Variants in PCDHA2 observed in about 807,000 individuals in gnomAD.
The protein encoded by PCDHA2 is protocadherin alpha-2.
In PCDHA2, 58 loss-of-function variants were observed where a neutral mutation model predicts 66.0. The ratio of observed to expected loss-of-function variants is 0.88; its 90% CI spans 0.71 to 1.09. The LOEUF is 1.09. Ranked by LOEUF, PCDHA2 falls within the 50% of genes least tolerant of loss-of-function variation. PCDHA2 has a pLI of 0.00. For missense variants in PCDHA2, 1,267 were observed against 1,242.3 expected (o/e 1.02, Z -0.30); for synonymous variants, 634 against 554.0 (o/e 1.14, Z -2.03).
At chr5:140,973,984 C>CT (rs2096610197) in intron 1 of PCDHA2, among the ~76,000 whole-genome samples, 1 of 152,186 alleles carries the variant, frequency 6.6e-6, no homozygotes, top group East Asian at 1.9e-4. Flanking sequence ...TTTTACAGAA[C>CT]TTCACCTGGA....
chr5:140,804,938 T>C, intron 1 of PCDHA2: 1 of 1,182,744 alleles, frequency 8.5e-7, no homozygotes, highest in Non-Finnish European at 1.1e-6. Context: ...TATCCTTTGT[T>C]GCTCCCTTGT....
chr5:140,900,342 A>T (rs965236795), intron 1 of PCDHA2, among the ~76,000 whole-genome samples: 3 of 152,034 alleles, frequency 2.0e-5, no homozygotes, highest in South Asian at 2.1e-4. Context: ...CCGTGGCGCA[A>T]TCTTGGCTCA....
chr5:140,843,324 C>G lies in PCDHA2; in HGVS notation c.2388+45972C>G, dbSNP rs1251515111. On this transcript the variant is annotated intron_variant, in intron 1 of 3. Coordinates refer to ENST00000526136, the MANE Select transcript of PCDHA2 (RefSeq NM_018905.3). ...ACCGCCACGGCCACGGTTCTGGTGT[C>G]GCTGGTGGAGAGCGGCCAGGCTCCA... is the stretch of plus-strand genomic sequence containing the variant. 5.6e-6 allele frequency: 9 copies of G among 1,595,896 alleles called. 3 individuals carry two copies. The highest frequency in any genetic ancestry group is 3.4e-5 in the Admixed American group (2 of 59,276).
At chr5:140,878,099 C>T (rs1270449354) in intron 1 of PCDHA2, 2 of 277,184 alleles carry the variant, frequency 7.2e-6, no homozygotes, top group Non-Finnish European at 1.3e-5. Flanking sequence ...GACTGATGAA[C>T]CTTGAAAAAA....
chr5:140,842,822 G>T (rs2150345251), intron 1 of PCDHA2: 1 of 1,593,810 alleles, frequency 6.3e-7, no homozygotes. Context: ...GCGGGTGGGC[G>T]AGCGCTCGCT....
At chr5:140,878,028 G>A in intron 1 of PCDHA2, 1 of 666,892 alleles carries the variant, frequency 1.5e-6, no homozygotes, top group Non-Finnish European at 2.2e-6. Context: ...AAATATGTAG[G>A]TACAATGGAG....
At chr5:140,929,400 A>G (rs915139377) in intron 1 of PCDHA2, 5 of 1,509,110 alleles carry the variant, frequency 3.3e-6, no homozygotes, top group African/African-American at 2.8e-5. Flanking sequence ...TATTTCTTAG[A>G]CAAGCCTTTC....
At chr5:140,908,794 C>T (rs1554193480) in intron 1 of PCDHA2, among the ~76,000 whole-genome samples, 1 of 152,142 alleles carries the variant, frequency 6.6e-6, no homozygotes, top group African/African-American at 2.4e-5. Context: ...TTCTGTACTA[C>T]ATTAAAAAGT....
At chr5:140,966,993 G>A in intron 1 of PCDHA2, 4 of 1,604,524 alleles carry the variant, frequency 2.5e-6, no homozygotes, top group Non-Finnish European at 3.4e-6. Context: ...GGGCCGGGTT[G>A]CTTGCGCATC....
intron 3 of PCDHA2, among the ~76,000 whole-genome samples, chr5:141,008,415 C>T (rs782593921): frequency 2.0e-5 from 3 of 152,138 alleles, no homozygotes; most frequent in Non-Finnish European, 4.4e-5. Flanking sequence ...ATGTCATGGC[C>T]ACTGGGATCA....
intron 1 of PCDHA2, chr5:140,967,680 G>C (rs1554229771): frequency 6.2e-7 from 1 of 1,614,228 alleles, no homozygotes; most frequent in South Asian, 1.1e-5. Context: ...GACCGGGAGA[G>C]GCAGCTCTTC....
intron 1 of PCDHA2, chr5:140,856,390 G>C: frequency 6.3e-7 from 1 of 1,598,554 alleles, no homozygotes; most frequent in South Asian, 1.1e-5. Flanking sequence ...GGCCGCTGCA[G>C]GTTTTCCATG....
Position 140,795,889 on chromosome 5 carries a change from G to A in PCDHA2, c.925G>A (p.Asp309Asn), listed in dbSNP as rs781846968. The A allele has an allele frequency of 2.5e-6, 4 of 1,614,010 alleles. No individual in the cohort carries two copies. The highest frequency in any genetic ancestry group is 4.5e-5 in the East Asian group (2 of 44,890). The stretch of plus-strand genomic sequence containing the variant: ...GGAAATCAGAACTAAGGGAAAATTA[G>A]ATTATGAAGAAGCAAAGTCCTACGA... ...SGEIRTKGKL[D>N]YEEAKSYEIQ... Residue 309 changes from aspartate to asparagine, a missense_variant, in exon 1 of 4, where the codon GAT (aspartate) becomes AAT (asparagine). Physicochemically the swap from Asp to Asn is conservative, Grantham distance 23. Transcript: ENST00000526136.
intron 1 of PCDHA2, chr5:140,967,921 C>T (rs781932025): frequency 6.2e-6 from 10 of 1,614,172 alleles, no homozygotes; most frequent in South Asian, 4.4e-5. Flanking sequence ...CCATTGTGGC[C>T]GTTCTCAGTG....
intron 1 of PCDHA2, among the ~76,000 whole-genome samples, chr5:140,888,192 A>G (rs906159358): frequency 4.6e-5 from 7 of 152,120 alleles, no homozygotes; most frequent in Non-Finnish European, 8.8e-5. Context: ...TGAATTTTAC[A>G]TTGTCGGATG....
chr5:140,991,121 C>G (rs1220661100), intron 3 of PCDHA2, among the ~76,000 whole-genome samples: 1 of 152,184 alleles, frequency 6.6e-6, no homozygotes, highest in Non-Finnish European at 1.5e-5. Context: ...TTCTTACATT[C>G]ACACAGCTAG....
In PCDHA2 at chr5:140,847,161, T is replaced by C. The variant is rs962983160; in HGVS notation, c.2388+49809T>C. The stretch of plus-strand genomic sequence containing the variant: ...GTAAGAAGATCTCTTGATTTCTGAG[T>C]AATAAACTAAAGGGCCATGAGTGAT... On this transcript the variant is annotated intron_variant, in intron 1 of 3. Transcript: ENST00000526136. Among the ~76,000 whole-genome samples, 8 of 149,570 alleles carry C rather than the reference T, an allele frequency of 5.3e-5. 1 individual carries two copies. The highest frequency in any genetic ancestry group is 7.5e-5 in the Non-Finnish European group (5 of 66,894).
At chr5:140,854,786 T>C (rs1450624058) in intron 1 of PCDHA2, 1 of 149,564 alleles carries the variant, frequency 6.7e-6, no homozygotes, top group Admixed American at 6.7e-5. Context: ...TTCAAGAACT[T>C]TGAGAGAGAA....
intron 1 of PCDHA2, chr5:140,841,631 A>G (rs1256595237): frequency 6.2e-7 from 1 of 1,614,124 alleles, no homozygotes; most frequent in Non-Finnish European, 8.5e-7. Context: ...GGAGTGCAGC[A>G]TCCACCTGGA....
Sources: gnomAD v4.1 joint callset for allele counts (sites outside exome capture counted in the v4.1 genomes callset) on GRCh38, gnomAD v4.1.1 for gene constraint, MANE v1.5 for transcripts, NCBI Gene and HGNC (gene_info 2026-07-23, HGNC 2026-07-21) for gene names.